The following RCC1 variants were observed in gnomAD, a reference collection of about 807,000 sequenced individuals.
The protein encoded by RCC1 is regulator of chromosome condensation 1, also known as regulator of chromosome condensation.
Under a neutral mutation model 44.4 loss-of-function variants are expected in RCC1, and 11 were observed. The ratio of observed to expected loss-of-function variants is 0.25; its 90% CI spans 0.16 to 0.41. RCC1 has a LOEUF of 0.41. Among genes scored for constraint, RCC1 ranks in the 10% least tolerant of loss-of-function variants. The probability of loss-of-function intolerance (pLI) is 1.00; values close to 1 mark genes in which losing one functional copy is unlikely to be tolerated. For synonymous variants in RCC1, 213 were observed against 216.5 expected (o/e 0.98, Z 0.14); for missense variants, 386 against 547.1 (o/e 0.71, Z 2.94).
chr1:28,514,761 CA>C (rs139010543), intron 3 of RCC1, among the ~76,000 whole-genome samples: 4,670 of 132,602 alleles, frequency 0.035, 104 homozygotes, highest in Non-Finnish European at 0.053. Context: ...AACTCCATCT[CA>C]AAAAAAAAAA....
intron 4 of RCC1, among the ~76,000 whole-genome samples, chr1:28,519,901 C>T (rs1462329333): frequency 1.3e-5 from 2 of 150,812 alleles, no homozygotes; most frequent in Non-Finnish European, 2.9e-5. Context: ...GATACAGAAT[C>T]TTGGTCTATC....
rs562633246 is a variant in RCC1, at chr1:28,531,270, T to C, written c.74-533T>C. Among the ~76,000 whole-genome samples, 46 of 147,822 alleles carry C rather than the reference T, an allele frequency of 3.1e-4. 3 individuals carry two copies. In the South Asian group the frequency reaches 8.5e-3, roughly 27 times the overall value. ...ATTAGCTTTCTTTTCTTTTTCTTTT[T>C]TTTTTTTTTTTTGAGATCAAGTATC... On this transcript the variant is annotated intron_variant, in intron 5 of 12. Coordinates refer to ENST00000683442, the MANE Select transcript of RCC1 (RefSeq NM_001381865.2).
At chr1:28,507,697 G>A in intron 1 of RCC1, 1 of 364,382 alleles carries the variant, frequency 2.7e-6, no homozygotes, top group Non-Finnish European at 5.3e-6. Context: ...GGGTTCAAGT[G>A]ATTATGCTAA....
chr1:28,520,304 G>A (rs926846844), intron 4 of RCC1, among the ~76,000 whole-genome samples: 3 of 152,218 alleles, frequency 2.0e-5, no homozygotes, highest in African/African-American at 4.8e-5. Flanking sequence ...GCAGTGGCCT[G>A]GGAGGGCTCT....
intron 4 of RCC1, chr1:28,518,077 G>T (rs1438944622): frequency 1.4e-5 from 2 of 147,362 alleles, no homozygotes; most frequent in Non-Finnish European, 3.1e-5. Context: ...ACGCCCACTG[G>T]AACCGGGCCA....
At chr1:28,531,198 A>G (rs889075214) in intron 5 of RCC1, among the ~76,000 whole-genome samples, 2 of 151,762 alleles carry the variant, frequency 1.3e-5, no homozygotes, top group Non-Finnish European at 2.9e-5. Context: ...ACTGCACTCC[A>G]GACTGGCGAC....
intron 4 of RCC1, among the ~76,000 whole-genome samples, chr1:28,521,643 A>G (rs1663293829): frequency 6.6e-6 from 1 of 151,992 alleles, no homozygotes; most frequent in African/African-American, 2.4e-5. Flanking sequence ...TGCCGTCTCC[A>G]CCGCAGCAGG....
intron 4 of RCC1, among the ~76,000 whole-genome samples, chr1:28,529,525 C>G (rs1663963184): frequency 6.6e-6 from 1 of 152,006 alleles, no homozygotes; most frequent in Non-Finnish European, 1.5e-5. Flanking sequence ...CAATGGGGAA[C>G]ATCTTTCTAT....
intron 12 of RCC1, 58 bp from the exon 13 acceptor site, chr1:28,537,774 T>C (rs906643933): frequency 2.0e-4 from 302 of 1,529,344 alleles, no homozygotes; most frequent in Non-Finnish European, 2.5e-4. Context: ...TTTCTCCTGC[T>C]ACAGAAAGGT....
intron 3 of RCC1, among the ~76,000 whole-genome samples, chr1:28,514,802 C>T (rs557601159): frequency 5.9e-5 from 9 of 152,084 alleles, no homozygotes; most frequent in East Asian, 3.9e-4. Flanking sequence ...CAGTGGCTCA[C>T]GCCTGTAATC....
intron 2 of RCC1, 171 bp from the exon 3 acceptor site, chr1:28,508,659 C>T (rs1047959912): frequency 3.9e-6 from 2 of 518,826 alleles, no homozygotes; most frequent in African/African-American, 1.9e-5. Context: ...CTTTCCACAA[C>T]GTTGAAGATG....
At chr1:28,532,093 T>C in intron 6 of RCC1, 78 bp from the exon 7 acceptor site, 5 of 1,572,140 alleles carry the variant, frequency 3.2e-6, no homozygotes, top group Non-Finnish European at 4.3e-6. Flanking sequence ...TGGAGCTGGC[T>C]AGTCAAGTGG....
At chr1:28,535,704 AAG>A (rs1664505208) in intron 9 of RCC1, 165 bp from the exon 10 acceptor site, 5 of 829,168 alleles carry the variant, frequency 6.0e-6, no homozygotes, top group Non-Finnish European at 1.0e-5. Context: ...GAATCTGAGC[AAG>A]GCACTTGTAT....
rs193096280 is a variant in RCC1, at chr1:28,536,856, G to A, written c.1047G>A (p.Ser349=). 30 of 1,614,132 alleles carry A rather than the reference G, an allele frequency of 1.9e-5. No individual in the cohort carries two copies. The highest frequency in any genetic ancestry group is 1.7e-4 in the Middle Eastern group (1 of 6,060). Residue 349 remains serine (S), a synonymous_variant, in exon 12 of 13, where the codon TCG becomes TCA. Coordinates refer to ENST00000683442, the MANE Select transcript of RCC1 (RefSeq NM_001381865.2). The surrounding 1 kb of genome is among the most constrained non-coding windows in gnomAD (Gnocchi z 4.9). ...TLISRLPAVS[S]VACGASVGYA... Reference sequence around the variant, plus strand: ...TCTCCAGGCTGCCTGCTGTCTCCTCGGTGGCTTGTGGGGCCTCTGTGGGGT... The same window carrying A: ...TCTCCAGGCTGCCTGCTGTCTCCTCAGTGGCTTGTGGGGCCTCTGTGGGGT...
chr1:28,530,968 A>G (rs1374175044), intron 5 of RCC1, among the ~76,000 whole-genome samples: 1 of 152,170 alleles, frequency 6.6e-6, no homozygotes, highest in Non-Finnish European at 1.5e-5. Context: ...TTCGGTGCAG[A>G]TTCTGCTATT....
intron 3 of RCC1, among the ~76,000 whole-genome samples, 191 bp from the exon 4 acceptor site, chr1:28,516,534 T>C (rs958376743): frequency 9.9e-5 from 15 of 151,318 alleles, no homozygotes; most frequent in African/African-American, 3.6e-4. Flanking sequence ...GAGGTCTCCT[T>C]CCACCACTTG....
chr1:28,506,257 TC>T, intron 1 of RCC1, 173 bp downstream of exon 1: 1 of 447,864 alleles, frequency 2.2e-6, no homozygotes, highest in Non-Finnish European at 4.5e-6. Flanking sequence ...ACTGCAGTGC[TC>T]GTTGCAACCT....
intron 4 of RCC1, among the ~76,000 whole-genome samples, chr1:28,529,246 C>CCAGGT (rs1663935354): frequency 8.0e-6 from 1 of 125,368 alleles, no homozygotes; most frequent in Admixed American, 8.5e-5. Flanking sequence ...TGCAGTGGCT[C>CCAGGT]GATCTTGGCT....
chr1:28,508,678 CCTCGTGT>C, intron 2 of RCC1, 145 bp from the exon 3 acceptor site: 1 of 519,042 alleles, frequency 1.9e-6, no homozygotes, highest in South Asian at 1.4e-5. Context: ...TGAAGCTGGG[CCTCGTGT>C]CTGCGCCTGC....
Sources: allele counts gnomAD v4.1 joint callset (sites outside exome capture counted in the v4.1 genomes callset), GRCh38; gene constraint gnomAD v4.1.1; non-coding constraint Gnocchi (gnomAD v3.1); transcripts MANE v1.5; gene names NCBI Gene and HGNC (gene_info 2026-07-23, HGNC 2026-07-21).